The following CIB1 variants were observed in gnomAD, a reference collection of about 807,000 sequenced individuals.
CIB1 encodes calcium and integrin-binding protein 1.
Under a neutral mutation model 25.0 loss-of-function variants are expected in CIB1, and 19 were observed. The ratio of observed to expected loss-of-function variants is 0.76; its 90% confidence interval spans 0.53 to 1.12. CIB1 has a LOEUF of 1.12. Among genes scored for constraint, CIB1 ranks in the 50% most tolerant of loss-of-function variants. CIB1 has a pLI of 0.00. For missense variants in CIB1, 236 were observed against 242.6 expected, an observed-to-expected ratio of 0.97 and a Z score of 0.18; for synonymous variants, 104 against 98.5, an observed-to-expected ratio of 1.06 and a Z score of -0.33.
chr15:90,257,956 C>A, the CIB1 span: 2 of 1,334,536 alleles, frequency 1.5e-6, no homozygotes, highest in Non-Finnish European at 2.1e-6. Context: ...ATGCAATTAG[C>A]GTTAGTGTGA....
chr15:90,238,176 T>C (rs540154893), upstream of CIB1, among the ~76,000 whole-genome samples: 13 of 152,268 alleles, frequency 8.5e-5, no homozygotes, highest in African/African-American at 3.1e-4. Context: ...GACACACACC[T>C]GTAGTCCCAG....
At chr15:90,265,016 C>T in the CIB1 span, 1 of 1,493,934 alleles carries the variant, frequency 6.7e-7, no homozygotes, top group East Asian at 2.5e-5. Context: ...CCCCAGGTTT[C>T]CAAAGGGCAT....
In CIB1 at chr15:90,233,845, G is replaced by A. The variant is rs1188127639; in HGVS notation, c.41C>T (p.Ala14Val). Reference protein sequence around the residue: ...SGSRLSKELLAEYQDLTFLTK... With the variant: ...SGSRLSKELLVEYQDLTFLTK... ...AGGCGTCCCGCGCACCTGGTACTCGGCCAGCAGCTCCTTGGACAGGCGACT... is the reference window on the plus strand; with the variant it reads ...AGGCGTCCCGCGCACCTGGTACTCGACCAGCAGCTCCTTGGACAGGCGACT... The change falls in exon 1 of 7, where the codon GCC (alanine) becomes GTC (valine). Residue 14 changes from alanine (A) to valine (V), a missense_variant. Transcript: ENST00000328649. 3.3e-6 allele frequency: 5 copies of A among 1,536,494 alleles called. No homozygotes were observed. The highest frequency in any genetic ancestry group is 2.0e-5 in the Admixed American group (1 of 50,446).
chr15:90,251,648 T>G, the CIB1 span: 13 of 1,589,410 alleles, frequency 8.2e-6, no homozygotes, highest in Admixed American at 1.8e-4. Context: ...TGCCTACAGC[T>G]GCTGTTCTTC....
the CIB1 span, among the ~76,000 whole-genome samples, chr15:90,261,398 A>C: frequency 6.7e-6 from 1 of 150,094 alleles, no homozygotes; most frequent in East Asian, 2.0e-4. Context: ...TTTTTTTTCA[A>C]ATGGAAAGCT....
the CIB1 span, chr15:90,257,872 T>C: frequency 5.3e-6 from 5 of 938,160 alleles, no homozygotes; most frequent in Non-Finnish European, 8.1e-6. Context: ...TTTGGAGCTC[T>C]AAGTGCAGCC....
chr15:90,240,813 C>CAAA, the CIB1 span: 5 of 698,494 alleles, frequency 7.2e-6, no homozygotes, highest in South Asian at 2.4e-5. Flanking sequence ...GACTCCATCT[C>CAAA]AAAAAAAAAA....
At chr15:90,255,729 G>A in the CIB1 span, 2 of 1,613,940 alleles carry the variant, frequency 1.2e-6, no homozygotes, top group Non-Finnish European at 1.7e-6. Context: ...TACTCTGGGG[G>A]CTCATACTAA....
At chr15:90,251,714 T>C in the CIB1 span, 54 of 1,092,168 alleles carry the variant, frequency 4.9e-5, no homozygotes, top group African/African-American at 7.7e-4. Flanking sequence ...CGGGCTTGCC[T>C]CTAACCTGTA....
At chr15:90,242,056 A>G in the CIB1 span, 1 of 1,603,636 alleles carries the variant, frequency 6.2e-7, no homozygotes, top group African/African-American at 1.3e-5. Context: ...ATGTCCCAGG[A>G]AGAGCAATAA....
At chr15:90,256,565 CTT>C in the CIB1 span, among the ~76,000 whole-genome samples, 3 of 39,458 alleles carry the variant, frequency 7.6e-5, no homozygotes, top group African/African-American at 2.3e-4. Flanking sequence ...TTCTTTCTTT[CTT>C]TCTTTCTTTC....
chr15:90,247,133 G>T, the CIB1 span, among the ~76,000 whole-genome samples: 1 of 151,790 alleles, frequency 6.6e-6, no homozygotes, highest in East Asian at 1.9e-4. Context: ...GCGCCACCAT[G>T]CCCAGCTAAT....
chr15:90,258,950 G>A, the CIB1 span: 4 of 1,613,942 alleles, frequency 2.5e-6, no homozygotes, highest in African/African-American at 2.7e-5. Flanking sequence ...TCTGGCATGT[G>A]TTTAGTTCTT....
chr15:90,262,767 CAA>C, the CIB1 span: 13 of 1,258,268 alleles, frequency 1.0e-5, no homozygotes, highest in Non-Finnish European at 1.3e-5. Flanking sequence ...TCCCCATGCA[CAA>C]GAGAGAGAGG....
chr15:90,237,283 C>CT (rs35595704), upstream of CIB1, among the ~76,000 whole-genome samples: 56,126 of 112,502 alleles, frequency 0.5, 15,215 homozygotes, highest in African/African-American at 0.58. Flanking sequence ...CTTTTTTTCC[C>CT]TTTTTTTTTT....
chr15:90,258,346 A>C, the CIB1 span: 1 of 1,294,248 alleles, frequency 7.7e-7, no homozygotes, highest in African/African-American at 1.5e-5. Flanking sequence ...ACAGGGGTAC[A>C]CTCAGGTGGT....
chr15:90,230,442 A>G lies in CIB1; in HGVS notation c.*42T>C. 2.6e-6 allele frequency: 4 copies of G among 1,550,364 alleles called. No individual in the cohort carries two copies. The highest frequency in any genetic ancestry group is 3.5e-6 in the Non-Finnish European group (4 of 1,146,216). The stretch of plus-strand genomic sequence containing the variant: ...CCTTGGCCACAGCTCAGCAGTAGAA[A>G]GGTTCTTGGACAGGGTGCCAGGACA... On this transcript the variant is annotated 3_prime_UTR_variant, in exon 7 of 7. Transcript: ENST00000328649.
At chr15:90,251,906 G>A in the CIB1 span, among the ~76,000 whole-genome samples, 69,775 of 151,190 alleles carry the variant, frequency 0.46, 17,956 homozygotes, top group African/African-American at 0.7. Context: ...ACAGAGTCTC[G>A]CTTTGTCATC....
chr15:90,236,440 G>A (rs1962638580), upstream of CIB1, among the ~76,000 whole-genome samples: 1 of 152,176 alleles, frequency 6.6e-6, no homozygotes, highest in Non-Finnish European at 1.5e-5. Context: ...AACCCTTCAT[G>A]GAACAACCTT....
Sources: gnomAD v4.1 joint callset for allele counts (sites outside exome capture counted in the v4.1 genomes callset) on GRCh38, gnomAD v4.1.1 for gene constraint, MANE v1.5 for transcripts, NCBI Gene and HGNC (gene_info 2026-07-23, HGNC 2026-07-21) for gene names.